The following IL13RA1 variants were observed in gnomAD, a reference collection of about 807,000 sequenced individuals.
IL13RA1 encodes interleukin-13 receptor subunit alpha-1.
IL13RA1 carries 14 observed loss-of-function variants against 33.8 expected under a neutral mutation model. That is an observed-to-expected ratio of 0.41 (90% CI 0.27 to 0.65). IL13RA1 has a LOEUF of 0.65. IL13RA1 is among the 30% of genes least tolerant of loss of function. The pLI is 0.28. For synonymous variants in IL13RA1, 116 were observed against 115.7 expected, an observed-to-expected ratio of 1.00 and a Z score of -0.02; for missense variants, 313 against 327.0, an observed-to-expected ratio of 0.96 and a Z score of 0.33.
At position 118,749,727 on chromosome X, in the gene IL13RA1, G is replaced by C. The variant is rs2017449500; in HGVS notation, c.437G>C (p.Trp146Ser). The C allele has an allele frequency of 8.5e-7, 1 of 1,177,893 alleles. No homozygotes were observed. The highest frequency in any genetic ancestry group is 1.2e-6 in the Non-Finnish European group (1 of 866,253). Residue 146 changes from tryptophan (W) to serine (S), a missense_variant, in exon 4 of 11, where the codon TGG becomes TCG. Transcript: ENST00000371666. ...WHNLSYMKCS[W>S]LPGRNTSPDT... Reference sequence around the variant, plus strand: ...AACCTGAGCTACATGAAGTGTTCTTGGCTCCCTGGAAGGAATACCAGTCCC... The same window carrying C: ...AACCTGAGCTACATGAAGTGTTCTTCGCTCCCTGGAAGGAATACCAGTCCC...
At chrX:118,748,087 A>AT (rs1485527507) in intron 3 of IL13RA1, among the ~76,000 whole-genome samples, 1 of 101,737 alleles carries the variant, frequency 9.8e-6, no homozygotes. Flanking sequence ...ACTATATATA[A>AT]TATATATTAT....
chrX:118,794,295 G>C lies in IL13RA1; in HGVS notation c.*2441G>C, dbSNP rs1206597019. On this transcript the variant is annotated 3_prime_UTR_variant, in exon 11 of 11. Coordinates refer to ENST00000371666, the MANE Select transcript of IL13RA1 (RefSeq NM_001560.3). Reference sequence around the variant, plus strand: ...CCCATCCCCTGTGGGAAATTAGTAGGCTCATTTACTGTTTTAGGTCTAGCC... The same window carrying C: ...CCCATCCCCTGTGGGAAATTAGTAGCCTCATTTACTGTTTTAGGTCTAGCC... 8.9e-6 allele frequency: 1 copy of C among 112,275 alleles called. No homozygotes were observed. Among genetic ancestry groups the C allele is most frequent in the African/African-American group, 3.2e-5 (1 of 30,778 alleles). 9.3% of individuals were successfully genotyped at this position (112,275 alleles called of 1,213,427 possible).
chrX:118,759,962 G>A (rs749354707), intron 5 of IL13RA1, among the ~76,000 whole-genome samples: 2 of 110,313 alleles, frequency 1.8e-5, no homozygotes, highest in Non-Finnish European at 3.8e-5. Context: ...TTGTAGAGAC[G>A]GGGTTTTGCC....
At chrX:118,766,707 A>T (rs1211424861) in intron 7 of IL13RA1, 130 bp downstream of exon 7, 5 of 599,966 alleles carry the variant, frequency 8.3e-6, no homozygotes, top group African/African-American at 4.5e-5. Context: ...ATTTTTTCGA[A>T]AAGTCAAAGA....
chrX:118,759,503 G>T (rs1760937378), intron 5 of IL13RA1, among the ~76,000 whole-genome samples: 2 of 111,750 alleles, frequency 1.8e-5, no homozygotes, highest in Admixed American at 1.9e-4. Context: ...AAGGGAGTGA[G>T]GTTGGAGTAT....
At chrX:118,736,444 T>G (rs2075981616) in intron 1 of IL13RA1, among the ~76,000 whole-genome samples, 2 of 111,486 alleles carry the variant, frequency 1.8e-5, no homozygotes, top group South Asian at 7.5e-4. Context: ...TTTTTTGTTA[T>G]TGTTTTGTTT....
At chrX:118,777,647 A>G (rs2017800811) in intron 10 of IL13RA1, among the ~76,000 whole-genome samples, 1 of 111,559 alleles carries the variant, frequency 9.0e-6, no homozygotes, top group Non-Finnish European at 1.9e-5. Flanking sequence ...TTGGAAGGCT[A>G]GACTCCAAAG....
chrX:118,795,882 C>G (rs1199507595), downstream of IL13RA1, among the ~76,000 whole-genome samples: 1 of 112,545 alleles, frequency 8.9e-6, no homozygotes, highest in Non-Finnish European at 1.9e-5. Context: ...ATTTCAGAGA[C>G]TCTGTTTTCT....
intron 1 of IL13RA1, among the ~76,000 whole-genome samples, chrX:118,738,427 T>A (rs778422941): frequency 3.9e-4 from 44 of 111,509 alleles, no homozygotes; most frequent in Non-Finnish European, 7.7e-4. Context: ...TTTATGATCA[T>A]GTGTATTCAG....
chrX:118,769,466 C>A (rs1172508801), intron 8 of IL13RA1, among the ~76,000 whole-genome samples: 1 of 112,020 alleles, frequency 8.9e-6, no homozygotes, highest in Non-Finnish European at 1.9e-5. Context: ...ATAATGCTAT[C>A]ATTATAGCAT....
Position 118,766,837 on chromosome X carries a change from G to A in IL13RA1, c.877-7G>A. On this transcript the variant is annotated splice_region_variant and splice_polypyrimidine_tract_variant and intron_variant, in intron 7 of 10. Coordinates refer to ENST00000371666, the MANE Select transcript of IL13RA1 (RefSeq NM_001560.3). The stretch of plus-strand genomic sequence containing the variant: ...TATTCCTTGTGTATTTTTATTTTAT[G>A]CCTAAGAATACATCTTGTTTCATGG... 12 of 986,241 alleles carry A rather than the reference G, an allele frequency of 1.2e-5. No homozygotes were observed. Among genetic ancestry groups the A allele is most frequent in the Non-Finnish European group, 1.5e-5 (11 of 711,376 alleles). The allele number at this position is 986,241 out of a possible 1,213,427, so 81.3% of individuals were successfully genotyped here. A position where few individuals can be genotyped will look rare whatever the true frequency, so the allele number is the denominator to read the frequency against.
At chrX:118,776,541 GTTT>G (rs5903529) in intron 10 of IL13RA1, 30 bp downstream of exon 10, 403 of 218,551 alleles carry the variant, frequency 1.8e-3, no homozygotes, top group Middle Eastern at 4.3e-3. Flanking sequence ...GGCTTGAAAT[GTTT>G]TTTTTTTTTT....
chrX:118,770,592 C>A (rs753101442), intron 8 of IL13RA1: 3 of 474,374 alleles, frequency 6.3e-6, no homozygotes, highest in Admixed American at 5.0e-5. Flanking sequence ...GCAAGCTGTA[C>A]GGGCACATCC....
intron 10 of IL13RA1, among the ~76,000 whole-genome samples, chrX:118,787,924 C>T (rs1486232158): frequency 9.0e-6 from 1 of 111,316 alleles, no homozygotes; most frequent in Non-Finnish European, 1.9e-5. Context: ...GCAGTTAATG[C>T]AATCATCACA....
chrX:118,729,919 G>A (rs918753587), intron 1 of IL13RA1, among the ~76,000 whole-genome samples: 1 of 112,066 alleles, frequency 8.9e-6, no homozygotes, highest in African/African-American at 3.2e-5. Flanking sequence ...CAGAAAAGAC[G>A]AGAGTCCTTA....
chrX:118,767,824 C>T (rs1156840612), intron 8 of IL13RA1, among the ~76,000 whole-genome samples: 2 of 111,300 alleles, frequency 1.8e-5, no homozygotes, highest in Non-Finnish European at 3.8e-5. Context: ...GTCAAAAAGG[C>T]ATATACAATC....
chrX:118,776,559 T>TG (rs2017785559), intron 10 of IL13RA1, 48 bp downstream of exon 10: 1 of 492,377 alleles, frequency 2.0e-6, no homozygotes, highest in East Asian at 3.8e-5. Flanking sequence ...TTTTTTTTTT[T>TG]TTTGGAAGCT....
At chrX:118,770,498 TCCC>T (rs1343206347) in intron 8 of IL13RA1, 1 of 505,472 alleles carries the variant, frequency 2.0e-6, no homozygotes, top group South Asian at 2.3e-5. Flanking sequence ...CTCAGCCCCA[TCCC>T]CAACAACAAC....
At chrX:118,780,531 T>C (rs2147397437) in intron 10 of IL13RA1, among the ~76,000 whole-genome samples, 1 of 112,892 alleles carries the variant, frequency 8.9e-6, no homozygotes, top group East Asian at 2.8e-4. Flanking sequence ...TCACAGGAAC[T>C]GTGGTGCCAG....
Sources: gnomAD v4.1 joint callset for allele counts (sites outside exome capture counted in the v4.1 genomes callset) on GRCh38, gnomAD v4.1.1 for gene constraint, MANE v1.5 for transcripts, NCBI Gene and HGNC (gene_info 2026-07-23, HGNC 2026-07-21) for gene names.